The following LRRTM4 variants were observed in gnomAD, a reference collection of about 807,000 sequenced individuals.
LRRTM4 encodes leucine-rich repeat transmembrane neuronal protein 4.
Under a neutral mutation model 47.6 loss-of-function variants are expected in LRRTM4, and 25 were observed. The ratio of observed to expected loss-of-function variants is 0.53; its 90% CI spans 0.38 to 0.73. The LOEUF (loss-of-function observed/expected upper bound fraction) is 0.73, where lower values mean the gene tolerates loss of function less well. Among genes scored for constraint, LRRTM4 ranks in the 30% least tolerant of loss-of-function variants. The pLI, the probability that LRRTM4 is intolerant of heterozygous loss-of-function variation, is 0.00. For missense variants in LRRTM4, 638 were observed against 713.4 expected, an observed-to-expected ratio of 0.89 and a Z score of 1.20; for synonymous variants, 311 against 269.5, an observed-to-expected ratio of 1.15 and a Z score of -1.51.
At position 77,090,647 on chromosome 2, in the gene LRRTM4, T is replaced by C. The variant is rs575446185; in HGVS notation, c.1552-341731A>G. On this transcript the variant is annotated intron_variant, in intron 3 of 3. Coordinates refer to ENST00000409884, the MANE Select transcript of LRRTM4 (RefSeq NM_001134745.3). Reference sequence around the variant, plus strand: ...TCCAGAACCTCCTCCCCCAGGAGCTTGCTACAAGTGCCAGAAATCTGACCA... The same window carrying C: ...TCCAGAACCTCCTCCCCCAGGAGCTCGCTACAAGTGCCAGAAATCTGACCA... 9.0e-4 allele frequency among the ~76,000 whole-genome samples: 137 copies of C among 152,256 alleles called. 1 individual carries two copies. Among genetic ancestry groups the C allele is most frequent in the African/African-American group, 3.1e-3 (129 of 41,554 alleles).
chr2:77,244,622 C>A (rs1252800519), intron 3 of LRRTM4, among the ~76,000 whole-genome samples: 1 of 151,946 alleles, frequency 6.6e-6, no homozygotes, highest in Non-Finnish European at 1.5e-5. Flanking sequence ...TATGTCATCA[C>A]CTCCCCCATG....
At chr2:76,897,280 G>C (rs1296278410) in intron 3 of LRRTM4, among the ~76,000 whole-genome samples, 1 of 152,064 alleles carries the variant, frequency 6.6e-6, no homozygotes, top group African/African-American at 2.4e-5. Context: ...ACTCCTGAGT[G>C]GATAGAGGAA....
At chr2:77,247,874 G>T (rs1675491529) in intron 3 of LRRTM4, among the ~76,000 whole-genome samples, 1 of 151,340 alleles carries the variant, frequency 6.6e-6, no homozygotes, top group South Asian at 2.1e-4. Flanking sequence ...TGCAATTGAT[G>T]ATTTTAAAAT....
chr2:76,803,364 C>T (rs1443611520), intron 3 of LRRTM4, among the ~76,000 whole-genome samples: 4 of 152,036 alleles, frequency 2.6e-5, no homozygotes, highest in Non-Finnish European at 2.9e-5. Context: ...CATTACTGAT[C>T]ATCAGGGAAA....
At chr2:77,294,732 A>T (rs1676923927) in intron 3 of LRRTM4, among the ~76,000 whole-genome samples, 1 of 152,158 alleles carries the variant, frequency 6.6e-6, no homozygotes, top group African/African-American at 2.4e-5. Flanking sequence ...ACAAAGAGCT[A>T]AAAACATTGC....
At chr2:76,828,888 C>A (rs948472534) in intron 3 of LRRTM4, among the ~76,000 whole-genome samples, 1 of 151,894 alleles carries the variant, frequency 6.6e-6, no homozygotes, top group African/African-American at 2.4e-5. Context: ...TTTCTTTAAT[C>A]TCTGATCCCT....
intron 3 of LRRTM4, among the ~76,000 whole-genome samples, chr2:77,390,174 T>C (rs541001446): frequency 1.2e-4 from 18 of 152,204 alleles, no homozygotes; most frequent in Admixed American, 7.2e-4. Context: ...ACATTTGTCC[T>C]ATTCATTTTA....
chr2:77,333,605 G>T (rs914269003), intron 3 of LRRTM4, among the ~76,000 whole-genome samples: 17 of 152,198 alleles, frequency 1.1e-4, no homozygotes, highest in African/African-American at 3.6e-4. Context: ...ATTGAGGTTT[G>T]AGAATCTCAG....
At chr2:77,038,816 T>C (rs577798472) in intron 3 of LRRTM4, among the ~76,000 whole-genome samples, 28 of 151,474 alleles carry the variant, frequency 1.8e-4, no homozygotes, top group Non-Finnish European at 3.5e-4. Context: ...ACACTACTGC[T>C]CATGGATCTA....
intron 3 of LRRTM4, among the ~76,000 whole-genome samples, chr2:77,452,908 C>T (rs1676316828): frequency 1.3e-5 from 2 of 152,098 alleles, no homozygotes; most frequent in African/African-American, 2.4e-5. Flanking sequence ...GTGCTCTCTA[C>T]CATAAGACTG....
intron 3 of LRRTM4, among the ~76,000 whole-genome samples, chr2:77,089,252 C>T (rs149033061): frequency 1.2e-3 from 182 of 148,488 alleles, no homozygotes; most frequent in African/African-American, 4.6e-3. Context: ...TGTCTCTACC[C>T]CTTCTCTGCT....
intron 3 of LRRTM4, among the ~76,000 whole-genome samples, chr2:77,273,161 G>T (rs1676252250): frequency 1.3e-5 from 2 of 152,106 alleles, no homozygotes; most frequent in African/African-American, 4.8e-5. Flanking sequence ...TTTAATGGAA[G>T]ATTTCCTTCT....
At chr2:77,212,350 C>G (rs970832354) in intron 3 of LRRTM4, among the ~76,000 whole-genome samples, 2 of 91,324 alleles carry the variant, frequency 2.2e-5, no homozygotes, top group Non-Finnish European at 4.2e-5. Context: ...TCAAGATTAA[C>G]TCATGATATA....
At chr2:77,162,703 C>A (rs1233381305) in intron 3 of LRRTM4, among the ~76,000 whole-genome samples, 2 of 152,146 alleles carry the variant, frequency 1.3e-5, no homozygotes, top group Non-Finnish European at 2.9e-5. Flanking sequence ...GATACCCAGG[C>A]AAACAGGGTC....
At chr2:76,878,008 G>A (rs978551777) in intron 3 of LRRTM4, among the ~76,000 whole-genome samples, 11 of 152,060 alleles carry the variant, frequency 7.2e-5, no homozygotes, top group African/African-American at 2.2e-4. Context: ...AAGATTGGTG[G>A]TAACTCTGCA....
At chr2:77,316,003 C>CT in intron 3 of LRRTM4, among the ~76,000 whole-genome samples, 3 of 152,294 alleles carry the variant, frequency 2.0e-5, no homozygotes, top group Middle Eastern at 6.8e-3. Flanking sequence ...ACTCTCCAGA[C>CT]TTTTTTCTCA....
chr2:76,815,236 C>T (rs1670866039), intron 3 of LRRTM4, among the ~76,000 whole-genome samples: 1 of 152,064 alleles, frequency 6.6e-6, no homozygotes, highest in Non-Finnish European at 1.5e-5. Flanking sequence ...TAGACTAAAT[C>T]TGTGAATTAG....
At chr2:77,481,965 C>T (rs1351766514) in intron 3 of LRRTM4, among the ~76,000 whole-genome samples, 1 of 150,962 alleles carries the variant, frequency 6.6e-6, no homozygotes, top group Non-Finnish European at 1.5e-5. Flanking sequence ...GCACGGATTG[C>T]TTTAAAGTTC....
At chr2:77,259,545 T>C (rs1232665176) in intron 3 of LRRTM4, among the ~76,000 whole-genome samples, 1 of 152,012 alleles carries the variant, frequency 6.6e-6, no homozygotes, top group African/African-American at 2.4e-5. Flanking sequence ...CTAAAAAGGA[T>C]ACAGATGAAT....
Sources: gnomAD v4.1 joint callset for allele counts (sites outside exome capture counted in the v4.1 genomes callset) on GRCh38, gnomAD v4.1.1 for gene constraint, MANE v1.5 for transcripts, NCBI Gene and HGNC (gene_info 2026-07-23, HGNC 2026-07-21) for gene names.